DLC1: variants seen among roughly 807,000 people sequenced by gnomAD.
DLC1 encodes rho GTPase-activating protein 7.
A neutral mutation model predicts 140.3 loss-of-function variants in DLC1; 54 were observed. The observed-to-expected ratio is 0.38, with a 90% CI of 0.31 to 0.48. The LOEUF is 0.48. DLC1 is among the 20% of genes least tolerant of loss of function. The probability of loss-of-function intolerance (pLI) is 0.96; values close to 1 mark genes in which losing one functional copy is unlikely to be tolerated. For synonymous variants in DLC1, 986 were observed against 728.1 expected (o/e 1.35, Z -5.70); for missense variants, 2,536 against 1,907.0 (o/e 1.33, Z -6.14).
chr8:13,452,953 A>G (rs184186758), intron 2 of DLC1, among the ~76,000 whole-genome samples: 57 of 152,288 alleles, frequency 3.7e-4, no homozygotes, highest in African/African-American at 1.3e-3. Flanking sequence ...AAATAACAAT[A>G]GTAGCTCACA....
At chr8:13,549,943 T>G (rs753384141) in intron 1 of DLC1, among the ~76,000 whole-genome samples, 1 of 152,180 alleles carries the variant, frequency 6.6e-6, no homozygotes, top group Non-Finnish European at 1.5e-5. Flanking sequence ...ACAGTTAAAT[T>G]CATTTAGGAA....
In DLC1 at chr8:13,263,640, G is replaced by A. The variant is rs192825870; in HGVS notation, c.1348+41629C>T. 4.6e-3 allele frequency among the ~76,000 whole-genome samples: 688 copies of A among 150,736 alleles called. 9 individuals are homozygous for A. The highest frequency in any genetic ancestry group is 0.016 in the African/African-American group (663 of 41,190). On this transcript the variant is annotated intron_variant, in intron 5 of 17. Coordinates refer to ENST00000276297, the MANE Select transcript of DLC1 (RefSeq NM_182643.3). ...TGTGCATGTATATATAAATTTATAT[G>A]TATATATAATAGATAAAAATATGTA... is the stretch of plus-strand genomic sequence containing the variant.
chr8:13,570,728 C>A (rs1804623478), intron 1 of DLC1, among the ~76,000 whole-genome samples: 1 of 152,142 alleles, frequency 6.6e-6, no homozygotes, highest in Admixed American at 6.5e-5. Flanking sequence ...TCTTAACTTC[C>A]CTTTTCACCT....
At position 13,545,039 on chromosome 8, in the gene DLC1, T is replaced by C. The variant is rs547660633; in HGVS notation, c.-125-44843A>G. Among the ~76,000 whole-genome samples, 4 of 152,208 alleles carry C rather than the reference T, an allele frequency of 2.6e-5. No individual in the cohort carries two copies. In the South Asian group the frequency reaches 8.3e-4, roughly 32 times the overall value. On this transcript the variant is annotated intron_variant, in intron 1 of 1. Coordinates refer to the DLC1 transcript ENST00000631382. Reference sequence around the variant, plus strand: ...ACAGGGGCTGGGTTTTTGTTTATATTTTCGTCGTATCCTCAGTGCTAGAAC... The same window carrying C: ...ACAGGGGCTGGGTTTTTGTTTATATCTTCGTCGTATCCTCAGTGCTAGAAC...
At chr8:13,308,916 G>A (rs1490137063) in intron 4 of DLC1, among the ~76,000 whole-genome samples, 2 of 152,178 alleles carry the variant, frequency 1.3e-5, no homozygotes, top group African/African-American at 4.8e-5. Context: ...GTCCCATCAT[G>A]TCATATCTAT....
At chr8:13,107,983 T>G (rs567149001) in intron 7 of DLC1, among the ~76,000 whole-genome samples, 17 of 152,122 alleles carry the variant, frequency 1.1e-4, no homozygotes, top group African/African-American at 3.4e-4. Flanking sequence ...AGGCGGAGGT[T>G]GCAGTGAGCC....
At chr8:13,395,412 A>G (rs289565) in intron 3 of DLC1, among the ~76,000 whole-genome samples, 151,850 of 152,238 alleles carry the variant, frequency 1, 75,732 homozygotes, top group Middle Eastern at 1. Flanking sequence ...GAGCCACCGC[A>G]CCCAGCCTCT....
At position 13,471,597 on chromosome 8, in the gene DLC1, C is replaced by G. The variant is rs989120057; in HGVS notation, c.1023+27452G>C. Reference sequence around the variant, plus strand: ...AGCGAATGGGTACAAGGCTCAATACCTGGGTGATGAAATGATCTGTACAAC... The same window carrying G: ...AGCGAATGGGTACAAGGCTCAATACGTGGGTGATGAAATGATCTGTACAAC... On this transcript the variant is annotated intron_variant, in intron 2 of 17. Transcript: ENST00000276297. Among the ~76,000 whole-genome samples the G allele has an allele frequency of 5.9e-5, 9 of 151,706 alleles. No individual in the cohort carries two copies. The South Asian group carries it at 8.3e-4, about 14-fold the overall frequency.
chr8:13,452,600 T>G (rs1799118920), intron 2 of DLC1, among the ~76,000 whole-genome samples: 1 of 152,216 alleles, frequency 6.6e-6, no homozygotes, highest in African/African-American at 2.4e-5. Context: ...TTTTCTGACT[T>G]GAGCTCCTTC....
intron 5 of DLC1, among the ~76,000 whole-genome samples, chr8:13,182,749 C>T (rs1826115894): frequency 6.6e-6 from 1 of 152,060 alleles, no homozygotes; most frequent in South Asian, 2.1e-4. Flanking sequence ...TGAAGTCAGG[C>T]AGCGTGATGC....
intron 2 of DLC1, among the ~76,000 whole-genome samples, chr8:13,453,402 GTGTATATATA>G (rs1563359472): frequency 4.8e-4 from 10 of 20,818 alleles, no homozygotes; most frequent in Admixed American, 3.5e-3. Context: ...ATATATATAT[GTGTATATATA>G]TATATATATA....
At chr8:13,322,102 C>T (rs1011350475) in intron 4 of DLC1, among the ~76,000 whole-genome samples, 1 of 152,008 alleles carries the variant, frequency 6.6e-6, no homozygotes, top group African/African-American at 2.4e-5. Context: ...CTTTTAAGAA[C>T]TGTAATAAAT....
At chr8:13,464,168 G>A (rs1406712477) in intron 2 of DLC1, among the ~76,000 whole-genome samples, 2 of 152,124 alleles carry the variant, frequency 1.3e-5, no homozygotes, top group Non-Finnish European at 2.9e-5. Flanking sequence ...GGGCTTTTTA[G>A]GCAGATGGAT....
chr8:13,447,016 G>A (rs1348057388), intron 2 of DLC1, among the ~76,000 whole-genome samples: 1 of 151,912 alleles, frequency 6.6e-6, no homozygotes, highest in Non-Finnish European at 1.5e-5. Context: ...AAGAAGAAAA[G>A]AAAGGAAAAT....
intron 5 of DLC1, among the ~76,000 whole-genome samples, chr8:13,255,136 C>G (rs1454989235): frequency 6.6e-6 from 1 of 152,008 alleles, no homozygotes; most frequent in Non-Finnish European, 1.5e-5. Flanking sequence ...GCCACCACGC[C>G]CAGCTAACTT....
intron 5 of DLC1, among the ~76,000 whole-genome samples, chr8:13,163,678 G>A (rs6651391): frequency 0.53 from 80,362 of 151,400 alleles, 22,008 homozygotes; most frequent in East Asian, 0.85. Flanking sequence ...TAGGGAGAAG[G>A]AGCTAGCTAG....
intron 2 of DLC1, among the ~76,000 whole-genome samples, chr8:13,431,706 G>A (rs1313356797): frequency 6.6e-6 from 1 of 151,924 alleles, no homozygotes; most frequent in Admixed American, 6.6e-5. Context: ...TTGTGGTCAG[G>A]GGGATACGGA....
chr8:13,314,877 G>A (rs868655767), intron 4 of DLC1, among the ~76,000 whole-genome samples: 2 of 152,138 alleles, frequency 1.3e-5, no homozygotes, highest in South Asian at 4.1e-4. Flanking sequence ...TTTTATTACA[G>A]GGAGATATTC....
intron 2 of DLC1, among the ~76,000 whole-genome samples, chr8:13,483,123 T>G (rs929952676): frequency 2.0e-5 from 3 of 152,206 alleles, no homozygotes; most frequent in Non-Finnish European, 2.9e-5. Context: ...CCTCTACTTA[T>G]GGCTGCATCG....
Sources: allele counts gnomAD v4.1 joint callset (sites outside exome capture counted in the v4.1 genomes callset), GRCh38; gene constraint gnomAD v4.1.1; transcripts MANE v1.5; gene names NCBI Gene and HGNC (gene_info 2026-07-23, HGNC 2026-07-21).